OR51B5: variants seen among roughly 807,000 people sequenced by gnomAD.
OR51B5 encodes olfactory receptor family 51 subfamily B member 5.
For missense variants in OR51B5, 456 were observed against 374.6 expected, an observed-to-expected ratio of 1.22 and a Z score of -1.79; for synonymous variants, 186 against 144.8, an observed-to-expected ratio of 1.28 and a Z score of -2.04.
At chr11:5,343,163 A>C (rs1415493321) in exon 1 of OR51B5, 1 of 1,613,938 alleles carries the variant, frequency 6.2e-7, no homozygotes, top group South Asian at 1.1e-5. Flanking sequence ...GATGGCAATA[A>C]AACGGTCATA....
chr11:5,473,654 G>T (rs74049578), intron 1 of OR51B5, among the ~76,000 whole-genome samples: 16,058 of 152,050 alleles, frequency 0.11, 896 homozygotes, highest in Middle Eastern at 0.17. Context: ...AAGCAATATG[G>T]AATTATTTAA....
rs117355479 is a variant in OR51B5, at chr11:5,475,866, G to A, written n.84+29703C>T. Among the ~76,000 whole-genome samples the A allele has an allele frequency of 2.2e-3, 329 of 152,024 alleles. 2 individuals are homozygous for A. Among genetic ancestry groups the A allele is most frequent in the Non-Finnish European group, 3.5e-3 (241 of 67,964 alleles). On this transcript the variant is annotated intron_variant and non_coding_transcript_variant, in intron 1 of 4. Coordinates refer to the OR51B5 transcript ENST00000415970. ...AAAATTGGATGACACACATGGTAGGGTACATGTGACTAGCATACACCTATT... is the reference window on the plus strand; with the variant it reads ...AAAATTGGATGACACACATGGTAGGATACATGTGACTAGCATACACCTATT...
At chr11:5,367,224 G>T (rs1482317215) in intron 1 of OR51B5, among the ~76,000 whole-genome samples, 2 of 152,144 alleles carry the variant, frequency 1.3e-5, no homozygotes, top group African/African-American at 2.4e-5. Context: ...TAAAAGCATT[G>T]CCAGAAAGGA....
upstream of OR51B5, among the ~76,000 whole-genome samples, chr11:5,348,103 T>C (rs910824295): frequency 6.6e-6 from 1 of 152,098 alleles, no homozygotes; most frequent in African/African-American, 2.4e-5. Flanking sequence ...AAAGTAATAG[T>C]GTTGTCTGCT....
Position 5,343,201 on chromosome 11 carries a change from G to A in OR51B5, c.324C>T (p.Leu108=), listed in dbSNP as rs58233587. 0.058 allele frequency: 93,661 copies of A among 1,613,062 alleles called. 5,044 individuals carry two copies. The highest frequency in any genetic ancestry group is 0.29 in the African/African-American group (21,355 of 74,796). Residue 108 remains leucine (L), a synonymous_variant, in exon 1 of 1, where the codon CTC becomes CTT. Transcript: ENST00000300773. Reference sequence around the variant, plus strand: ...CCATGGCAAGCAGAATGCCAGACTCGAGAAAGGAAAGTGAGTGTATAAAGT... The same window carrying A: ...CCATGGCAAGCAGAATGCCAGACTCAAGAAAGGAAAGTGAGTGTATAAAGT...
intron 1 of OR51B5, chr11:5,455,121 G>C (rs1850930963): frequency 1.3e-5 from 2 of 152,174 alleles, no homozygotes; most frequent in Admixed American, 6.5e-5. Context: ...TGCCATTTAG[G>C]AAAATCTCCA....
At chr11:5,378,249 G>C (rs1294957969) in intron 1 of OR51B5, among the ~76,000 whole-genome samples, 1 of 151,986 alleles carries the variant, frequency 6.6e-6, no homozygotes, top group African/African-American at 2.4e-5. Flanking sequence ...GGGAGAACTG[G>C]CTAGCCATAT....
rs563762476 is a variant in OR51B5, at chr11:5,384,963, A to G, written n.85-38053T>C. 8.1e-4 allele frequency among the ~76,000 whole-genome samples: 123 copies of G among 152,326 alleles called. 1 individual carries two copies. Among genetic ancestry groups the G allele is most frequent in the Middle Eastern group, 3.4e-3 (1 of 294 alleles). On this transcript the variant is annotated intron_variant and non_coding_transcript_variant, in intron 1 of 4. Coordinates refer to the OR51B5 transcript ENST00000415970. Reference sequence around the variant, plus strand: ...TGTTTAGGTGCAGCGTCTTTTGCATATTCTCCTATTTACAAGAAACAGTAT... The same window carrying G: ...TGTTTAGGTGCAGCGTCTTTTGCATGTTCTCCTATTTACAAGAAACAGTAT...
intron 1 of OR51B5, among the ~76,000 whole-genome samples, chr11:5,494,079 A>C (rs1851615579): frequency 6.6e-6 from 1 of 152,238 alleles, no homozygotes; most frequent in South Asian, 2.1e-4. Flanking sequence ...CAGACTCAGC[A>C]TAACTTCTAC....
At chr11:5,393,201 A>T (rs981845184) in intron 1 of OR51B5, 2 of 152,206 alleles carry the variant, frequency 1.3e-5, no homozygotes, top group Non-Finnish European at 2.9e-5. Context: ...GTGATCAATA[A>T]ATATGTGTTG....
intron 1 of OR51B5, among the ~76,000 whole-genome samples, chr11:5,464,986 C>A (rs1052065534): frequency 2.0e-5 from 3 of 152,010 alleles, no homozygotes; most frequent in African/African-American, 7.2e-5. Context: ...GCGGGCGGAT[C>A]GCGAGGTCAG....
At chr11:5,427,544 C>G (rs148398252) in intron 1 of OR51B5, among the ~76,000 whole-genome samples, 39 of 152,304 alleles carry the variant, frequency 2.6e-4, no homozygotes, top group African/African-American at 9.4e-4. Flanking sequence ...TGTATATGCA[C>G]AGTTTAGTAT....
chr11:5,488,311 G>C (rs568871751), intron 1 of OR51B5, among the ~76,000 whole-genome samples: 1 of 152,234 alleles, frequency 6.6e-6, no homozygotes, highest in African/African-American at 2.4e-5. Context: ...GAAAATAAAG[G>C]AATGAGACTC....
intron 1 of OR51B5, chr11:5,390,018 A>G (rs1244650467): frequency 1.9e-6 from 3 of 1,613,494 alleles, no homozygotes; most frequent in Non-Finnish European, 2.5e-6. Context: ...ATCACCTTCA[A>G]TAATCTGTAT....
intron 1 of OR51B5, among the ~76,000 whole-genome samples, chr11:5,448,452 A>G (rs1212669541): frequency 6.6e-6 from 1 of 152,220 alleles, no homozygotes; most frequent in Non-Finnish European, 1.5e-5. Context: ...TGAATGGGGT[A>G]CAAGCTAGAG....
exon 1 of OR51B5, chr11:5,505,569 A>C: frequency 2.0e-6 from 2 of 983,790 alleles, no homozygotes; most frequent in Admixed American, 3.4e-5. Context: ...CCGGACTTAC[A>C]GTTCCACATA....
chr11:5,488,674 T>C (rs1192562352), intron 1 of OR51B5: 1 of 1,397,078 alleles, frequency 7.2e-7, no homozygotes, highest in Non-Finnish European at 1.0e-6. Flanking sequence ...ATAACAATAC[T>C]ATTCAGAAAG....
At position 5,375,516 on chromosome 11, in the gene OR51B5, T is replaced by C. The variant is rs768625292; in HGVS notation, n.85-28606A>G. On this transcript the variant is annotated intron_variant and non_coding_transcript_variant, in intron 1 of 4. Coordinates refer to the OR51B5 transcript ENST00000415970. The stretch of plus-strand genomic sequence containing the variant: ...AATGTAAATGGACTAAGTGCTCCAA[T>C]TGAAAGACACAGACTGGCAAATTGG... Among the ~76,000 whole-genome samples, 100 of 152,216 alleles carry C rather than the reference T, an allele frequency of 6.6e-4. 3 individuals are homozygous for C. In the Middle Eastern group the frequency reaches 0.01, roughly 16 times the overall value.
intron 1 of OR51B5, among the ~76,000 whole-genome samples, chr11:5,357,203 C>T (rs937402780): frequency 6.6e-6 from 1 of 151,890 alleles, no homozygotes; most frequent in Non-Finnish European, 1.5e-5. Flanking sequence ...GAGTCAAGAC[C>T]CATCAGTGTG....
Sources: allele counts gnomAD v4.1 joint callset (sites outside exome capture counted in the v4.1 genomes callset), GRCh38; gene constraint gnomAD v4.1.1; transcripts MANE v1.5; gene names NCBI Gene and HGNC (gene_info 2026-07-23, HGNC 2026-07-21).